PCDHGA10: variants seen among roughly 807,000 people sequenced by gnomAD.
PCDHGA10 encodes the protein protocadherin gamma-A10.
Under a neutral mutation model 59.5 loss-of-function variants are expected in PCDHGA10, and 42 were observed. That is an observed-to-expected ratio of 0.71 (90% CI 0.55 to 0.91). PCDHGA10 has a LOEUF of 0.91. Ranked by LOEUF, PCDHGA10 falls within the 40% of genes least tolerant of loss-of-function variation. The pLI is 0.00. For synonymous variants in PCDHGA10, 511 were observed against 517.2 expected (o/e 0.99, Z 0.16); for missense variants, 1,111 against 1,198.2 (o/e 0.93, Z 1.07).
chr5:141,418,938 C>G, intron 1 of PCDHGA10: 1 of 1,613,738 alleles, frequency 6.2e-7, no homozygotes, highest in Non-Finnish European at 8.5e-7. Flanking sequence ...ATGGAGGATT[C>G]CCCTCCAGGA....
chr5:141,445,433 C>A (rs2098466883), intron 1 of PCDHGA10, among the ~76,000 whole-genome samples: 1 of 152,136 alleles, frequency 6.6e-6, no homozygotes, highest in Non-Finnish European at 1.5e-5. Flanking sequence ...AAGGCACTGA[C>A]CTATGGACTA....
rs773899530 is a variant in PCDHGA10 at position 141,494,864 on chromosome 5, G to A, written c.2494G>A (p.Gly832Ser). 1.6e-5 allele frequency: 26 copies of A among 1,613,950 alleles called. No individual in the cohort carries two copies. The Admixed American group carries it at 3.5e-4, about 22-fold the overall frequency. Reference protein sequence around the residue: ...FSQAQRPGTSGSQNGDDTGTW... With the variant: ...FSQAQRPGTSSSQNGDDTGTW... ...TCAGGCCCAGAGACCCGGCACCAGC[G>A]GGTAGGTGACTGATTCTCCAGCCCA... Residue 832 changes from glycine to serine, a missense_variant and splice_region_variant, in exon 2 of 4, where the codon GGC (glycine) becomes AGC (serine). Gly to Ser is a moderately conservative substitution (Grantham distance 56, BLOSUM62 0). Coordinates refer to ENST00000398610, the MANE Select transcript of PCDHGA10 (RefSeq NM_018913.3).
At chr5:141,488,932 A>G (rs2233598) in intron 1 of PCDHGA10, among the ~76,000 whole-genome samples, 31,368 of 152,090 alleles carry the variant, frequency 0.21, 3,372 homozygotes, top group Admixed American at 0.31. Flanking sequence ...GGATTGAGGA[A>G]ACTCCATAAT....
intron 1 of PCDHGA10, among the ~76,000 whole-genome samples, chr5:141,439,251 A>G (rs1467023466): frequency 6.6e-6 from 1 of 152,112 alleles, no homozygotes; most frequent in Non-Finnish European, 1.5e-5. Context: ...ATTTCAGCTG[A>G]AGATTCAGCC....
intron 1 of PCDHGA10, chr5:141,418,947 G>T (rs534744990): frequency 6.2e-7 from 1 of 1,614,022 alleles, no homozygotes; most frequent in African/African-American, 1.3e-5. Context: ...TCCCCTCCAG[G>T]AGTGGTTGTT....
intron 1 of PCDHGA10, chr5:141,415,929 T>C: frequency 1.6e-6 from 1 of 629,678 alleles, no homozygotes; most frequent in African/African-American, 1.9e-5. Context: ...TGTCAATTTA[T>C]ATTTCCTCCT....
Position 141,490,731 on chromosome 5 carries a change from G to A in PCDHGA10, c.2437-4076G>A, listed in dbSNP as rs139283997. The A allele has an allele frequency of 6.8e-6, 11 of 1,614,080 alleles. No homozygotes were observed. In the African/African-American group the frequency reaches 1.1e-4, roughly 16 times the overall value. Reference sequence around the variant, plus strand: ...TCACCTACTCCATTGTAGGAAATCAGGTTCAGGGAGCCCCAGCCTCCTCCT... The same window carrying A: ...TCACCTACTCCATTGTAGGAAATCAAGTTCAGGGAGCCCCAGCCTCCTCCT... On this transcript the variant is annotated intron_variant, in intron 1 of 3. Transcript: ENST00000398610. The surrounding 1 kb of genome is among the most constrained non-coding windows in gnomAD (Gnocchi z 5.4).
intron 1 of PCDHGA10, chr5:141,428,160 T>C (rs761366261): frequency 6.4e-7 from 1 of 1,572,286 alleles, no homozygotes; most frequent in Non-Finnish European, 8.7e-7. Context: ...AACCTGCTGG[T>C]TGCTGTGCGT....
chr5:141,461,961 T>C (rs914134151), intron 1 of PCDHGA10, among the ~76,000 whole-genome samples: 3 of 152,192 alleles, frequency 2.0e-5, no homozygotes, highest in African/African-American at 7.2e-5. Context: ...GTAGCTGGGA[T>C]TCCAGGCATA....
intron 1 of PCDHGA10, chr5:141,422,893 C>A (rs1405800318): frequency 4.3e-6 from 7 of 1,614,246 alleles, no homozygotes; most frequent in Non-Finnish European, 5.9e-6. Context: ...CGTGCTGGAC[C>A]AGAACGACAA....
intron 1 of PCDHGA10, among the ~76,000 whole-genome samples, chr5:141,463,128 A>G (rs914895217): frequency 1.5e-4 from 23 of 152,190 alleles, no homozygotes; most frequent in Admixed American, 1.4e-3. Context: ...GCTCCCTGGC[A>G]GTTCTTCGCC....
chr5:141,423,050 G>C, intron 1 of PCDHGA10: 1 of 1,614,186 alleles, frequency 6.2e-7, no homozygotes, highest in Non-Finnish European at 8.5e-7. Flanking sequence ...CTGTCCTATC[G>C]CCTGCTTAAG....
chr5:141,441,887 A>G, intron 1 of PCDHGA10: 1 of 344,596 alleles, frequency 2.9e-6, no homozygotes, highest in African/African-American at 2.2e-5. Context: ...CTGGTCACCA[A>G]GGTGGTGGCT....
chr5:141,497,396 C>T (rs2099776233), intron 2 of PCDHGA10, among the ~76,000 whole-genome samples: 1 of 152,116 alleles, frequency 6.6e-6, no homozygotes, highest in Middle Eastern at 3.2e-3. Flanking sequence ...CTTACCCCTG[C>T]CTCAACTCCC....
chr5:141,472,673 C>T (rs2099292538), intron 1 of PCDHGA10, among the ~76,000 whole-genome samples: 3 of 151,340 alleles, frequency 2.0e-5, no homozygotes, highest in Admixed American at 2.0e-4. Context: ...GTATACTGGT[C>T]CTTCCATTTC....
In PCDHGA10 at chr5:141,432,601, G is replaced by A. The variant is rs1313279772; in HGVS notation, c.2436+16990G>A. The A allele has an allele frequency of 5.6e-6, 9 of 1,613,950 alleles. No homozygotes were observed. Among genetic ancestry groups the A allele is most frequent in the Admixed American group, 1.7e-5 (1 of 60,030 alleles). On this transcript the variant is annotated intron_variant, in intron 1 of 3. Transcript: ENST00000398610. The surrounding 1 kb of genome is among the most constrained non-coding windows in gnomAD (Gnocchi z 6.0). ...ACCGTCTGCTCAAGGCCAGCGAGCC[G>A]GGACTCTTCTCGGTGGGTCTGCACA...
chr5:141,490,715 C>G lies in PCDHGA10; in HGVS notation c.2437-4092C>G, dbSNP rs757619272. The stretch of plus-strand genomic sequence containing the variant: ...GGGGATAATGCCCGCCTCACCTACT[C>G]CATTGTAGGAAATCAGGTTCAGGGA... On this transcript the variant is annotated intron_variant, in intron 1 of 3. Coordinates refer to ENST00000398610, the MANE Select transcript of PCDHGA10 (RefSeq NM_018913.3). This position sits in a 1 kb window ranked among gnomAD's most constrained non-coding sequence, Gnocchi z 5.4. 14 of 1,614,130 alleles carry G rather than the reference C, an allele frequency of 8.7e-6. No individual in the cohort carries two copies. Among genetic ancestry groups the G allele is most frequent in the Non-Finnish European group, 1.1e-5 (13 of 1,179,978 alleles).
At position 141,477,806 on chromosome 5, in the gene PCDHGA10, G is replaced by GC; in HGVS notation, c.2437-16995dup. Reference sequence around the variant, plus strand: ...ATTTGTCACTGATCGCAATGACAATGCCCCCCAGGTCCTATATCCTCGGCC... The same window carrying GC: ...ATTTGTCACTGATCGCAATGACAATGCCCCCCCAGGTCCTATATCCTCGGCC... On this transcript the variant is annotated intron_variant, in intron 1 of 3. Transcript: ENST00000398610. This position sits in a 1 kb window ranked among gnomAD's most constrained non-coding sequence, Gnocchi z 4.9. 1 of 1,614,114 alleles carries GC rather than the reference G, an allele frequency of 6.2e-7. No homozygotes were observed.
Position 141,486,239 on chromosome 5 carries a change from C to G in PCDHGA10, c.2437-8568C>G, listed in dbSNP as rs751510109. On this transcript the variant is annotated intron_variant, in intron 1 of 3. Transcript: ENST00000398610. The surrounding 1 kb of genome is among the most constrained non-coding windows in gnomAD (Gnocchi z 5.0). ...CCCTTACATCACAGTGACCTCAGAG[C>G]TTGGAACCCTCCCCGAGAGTGCAGA... 6.2e-7 allele frequency: 1 copy of G among 1,614,160 alleles called. No individual in the cohort carries two copies. Among genetic ancestry groups the G allele is most frequent in the Admixed American group, 1.7e-5 (1 of 60,020 alleles).
Sources: allele counts gnomAD v4.1 joint callset (sites outside exome capture counted in the v4.1 genomes callset), GRCh38; gene constraint gnomAD v4.1.1; non-coding constraint Gnocchi (gnomAD v3.1); transcripts MANE v1.5; gene names NCBI Gene and HGNC (gene_info 2026-07-23, HGNC 2026-07-21).